PPM1D: variants seen among roughly 807,000 people sequenced by gnomAD.
PPM1D encodes the protein protein phosphatase, Mg2+/Mn2+ dependent 1D.
In PPM1D, 52 loss-of-function variants were observed where a neutral mutation model predicts 58.3. That is an observed-to-expected ratio of 0.89 (90% CI 0.71 to 1.12). The LOEUF is 1.12. Ranked by LOEUF, PPM1D falls within the 50% of genes most tolerant of loss-of-function variation. The pLI is 0.00. For missense variants in PPM1D, 564 were observed against 777.2 expected, an observed-to-expected ratio of 0.73 and a Z score of 3.26; for synonymous variants, 278 against 285.1, an observed-to-expected ratio of 0.98 and a Z score of 0.25.
At chr17:60,651,599 C>T (rs1393909159) in intron 4 of PPM1D, among the ~76,000 whole-genome samples, 2 of 152,006 alleles carry the variant, frequency 1.3e-5, no homozygotes, top group South Asian at 4.2e-4. Flanking sequence ...GGTTTCACCA[C>T]ATTGGCCAGG....
At chr17:60,656,934 T>C in intron 5 of PPM1D, 93 bp downstream of exon 5, 1 of 1,601,534 alleles carries the variant, frequency 6.2e-7, no homozygotes, top group Non-Finnish European at 8.5e-7. Flanking sequence ...TCTTACAGGA[T>C]TTTGGATTTG....
intron 3 of PPM1D, among the ~76,000 whole-genome samples, chr17:60,642,871 C>G (rs943616613): frequency 1.3e-5 from 2 of 149,610 alleles, no homozygotes; most frequent in East Asian, 2.1e-4. Context: ...TCCAGACCAT[C>G]CTGGCTAACA....
chr17:60,609,363 G>C (rs2143627219), intron 1 of PPM1D, among the ~76,000 whole-genome samples: 2 of 152,262 alleles, frequency 1.3e-5, no homozygotes, highest in African/African-American at 4.8e-5. Flanking sequence ...AAAGTGCTAG[G>C]ATTACAGGTG....
chr17:60,627,366 C>T (rs567241050), intron 2 of PPM1D, among the ~76,000 whole-genome samples: 51 of 152,130 alleles, frequency 3.4e-4, no homozygotes, highest in African/African-American at 1.1e-3. Flanking sequence ...ATGTTAGTCT[C>T]TTGAGAGCTG....
chr17:60,633,518 C>T (rs573046414), intron 2 of PPM1D, among the ~76,000 whole-genome samples: 2 of 152,124 alleles, frequency 1.3e-5, no homozygotes, highest in South Asian at 4.1e-4. Context: ...AAGCAGTTCT[C>T]TCTCCACTTA....
chr17:60,638,658 C>A (rs529268380), intron 3 of PPM1D, among the ~76,000 whole-genome samples: 1 of 152,100 alleles, frequency 6.6e-6, no homozygotes, highest in Non-Finnish European at 1.5e-5. Flanking sequence ...CGCAAGCCAC[C>A]GCGACCGACC....
At chr17:60,621,009 A>G (rs1055310676) in intron 1 of PPM1D, among the ~76,000 whole-genome samples, 2 of 151,182 alleles carry the variant, frequency 1.3e-5, no homozygotes, top group Non-Finnish European at 2.9e-5. Context: ...TGCAACCTCC[A>G]CCTCCAAGGT....
At chr17:60,626,440 G>A (rs1295694673) in intron 2 of PPM1D, among the ~76,000 whole-genome samples, 2 of 151,552 alleles carry the variant, frequency 1.3e-5, no homozygotes, top group Non-Finnish European at 2.9e-5. Flanking sequence ...TTTCGCCCAG[G>A]CTGGAGTGCA....
intron 3 of PPM1D, among the ~76,000 whole-genome samples, chr17:60,646,188 T>C (rs948067462): frequency 6.6e-6 from 1 of 152,228 alleles, no homozygotes; most frequent in Non-Finnish European, 1.5e-5. Context: ...TGTGAGCTTA[T>C]CTGGATTATA....
intron 5 of PPM1D, among the ~76,000 whole-genome samples, chr17:60,659,607 G>A (rs2031494392): frequency 1.3e-5 from 2 of 152,230 alleles, no homozygotes; most frequent in Non-Finnish European, 2.9e-5. Context: ...TTTAGGCACA[G>A]TTTGTAATTA....
intron 1 of PPM1D, among the ~76,000 whole-genome samples, chr17:60,619,060 C>G (rs1259355901): frequency 1.3e-5 from 2 of 152,240 alleles, no homozygotes; most frequent in Admixed American, 1.3e-4. Flanking sequence ...CCCCTAATCC[C>G]TGGCAACCGT....
intron 1 of PPM1D, among the ~76,000 whole-genome samples, chr17:60,619,521 C>T (rs768488960): frequency 6.6e-6 from 1 of 152,154 alleles, no homozygotes; most frequent in African/African-American, 2.4e-5. Flanking sequence ...AATGTTCTCC[C>T]TTCTTCACAT....
chr17:60,600,302 C>T lies in PPM1D; in HGVS notation c.-113C>T. ...CCCTTCTCCGGGTCCGCCCCCTCCC[C>T]CTTCTCGGCGTCGTCGAAGATAAAC... On this transcript the variant is annotated 5_prime_UTR_variant, in exon 1 of 6. Transcript: ENST00000305921. 1 of 1,458,748 alleles carries T rather than the reference C, an allele frequency of 6.9e-7. No individual in the cohort carries two copies. Among genetic ancestry groups the T allele is most frequent in the Non-Finnish European group, 9.0e-7 (1 of 1,112,416 alleles). The allele number at this position is 1,458,748 out of a possible 1,614,324, so 90.4% of individuals were successfully genotyped here.
At chr17:60,601,774 G>GT (rs1162237722) in intron 1 of PPM1D, among the ~76,000 whole-genome samples, 2 of 152,246 alleles carry the variant, frequency 1.3e-5, no homozygotes, top group East Asian at 3.9e-4. Context: ...TTTCATCTAA[G>GT]TTTTTTTAAA....
Position 60,600,638 on chromosome 17 carries a change from C to T in PPM1D, c.224C>T (p.Ala75Val). 6.4e-7 allele frequency: 1 copy of T among 1,554,554 alleles called. No individual in the cohort carries two copies. Residue 75 changes from alanine to valine, a missense_variant, in exon 1 of 6, where the codon GCT (alanine) becomes GTT (valine). Ala to Val is a moderately conservative substitution (Grantham distance 64). Transcript: ENST00000305921. ...GGCCCAGCGGTGGCAGCCCGAGAGG[C>T]TCGCGACCCTCTCCCGGACGCCGGG... Reference protein sequence around the residue: ...GKGPAVAAREARDPLPDAGAS... With the variant: ...GKGPAVAAREVRDPLPDAGAS...
intron 3 of PPM1D, among the ~76,000 whole-genome samples, chr17:60,641,372 T>G (rs1255376745): frequency 6.6e-6 from 1 of 152,242 alleles, no homozygotes; most frequent in African/African-American, 2.4e-5. Context: ...TTATGATTCT[T>G]GGCCGTTTGC....
intron 1 of PPM1D, among the ~76,000 whole-genome samples, chr17:60,607,503 G>T (rs781730183): frequency 6.6e-6 from 1 of 152,200 alleles, no homozygotes; most frequent in Non-Finnish European, 1.5e-5. Flanking sequence ...GTTTCTCCAT[G>T]TTGGTCAGGC....
chr17:60,624,392 C>T (rs1284214367), intron 2 of PPM1D, among the ~76,000 whole-genome samples: 7 of 152,148 alleles, frequency 4.6e-5, no homozygotes, highest in Admixed American at 3.9e-4. Context: ...TCTAAATAAT[C>T]CTTCTAACTA....
At chr17:60,612,252 G>T (rs900071926) in intron 1 of PPM1D, among the ~76,000 whole-genome samples, 1 of 152,034 alleles carries the variant, frequency 6.6e-6, no homozygotes, top group African/African-American at 2.4e-5. Flanking sequence ...CCACTGAGCC[G>T]CTTTCTGTCT....
Sources: allele counts gnomAD v4.1 joint callset (sites outside exome capture counted in the v4.1 genomes callset), GRCh38; gene constraint gnomAD v4.1.1; transcripts MANE v1.5; gene names NCBI Gene and HGNC (gene_info 2026-07-23, HGNC 2026-07-21).